The following DCDC2 variants were observed in gnomAD, a reference collection of about 807,000 sequenced individuals.
DCDC2 encodes doublecortin domain containing 2, also known as doublecortin domain-containing protein 2.
A neutral mutation model predicts 50.2 loss-of-function variants in DCDC2; 40 were observed. The observed-to-expected ratio is 0.80, with a 90% confidence interval of 0.62 to 1.04. The LOEUF (loss-of-function observed/expected upper bound fraction) is 1.04, where lower values mean the gene tolerates loss of function less well. Ranked by LOEUF, DCDC2 falls within the 50% of genes least tolerant of loss-of-function variation. The pLI is 0.00. For synonymous variants in DCDC2, 234 were observed against 210.6 expected (o/e 1.11, Z -0.96); for missense variants, 570 against 581.9 (o/e 0.98, Z 0.21).
At chr6:24,254,218 T>TA (rs1762849196) in intron 7 of DCDC2, among the ~76,000 whole-genome samples, 15 of 152,158 alleles carry the variant, frequency 9.9e-5, no homozygotes, top group Admixed American at 9.2e-4. Flanking sequence ...GGATACCTCC[T>TA]GAAACACCTA....
intron 2 of DCDC2, among the ~76,000 whole-genome samples, chr6:24,346,227 A>G (rs577119753): frequency 6.6e-6 from 1 of 152,248 alleles, no homozygotes; most frequent in South Asian, 2.1e-4. Flanking sequence ...TGAACTTCCA[A>G]CTTGTTCTGT....
rs748792618 is a variant in DCDC2, at chr6:24,291,083, C to A, written c.558-5G>T. Reference sequence around the variant, plus strand: ...TTTCCTTCTAAAGTATAAAGCCTGTCGAAAATATGAACACCAACAATTAGA... The same window carrying A: ...TTTCCTTCTAAAGTATAAAGCCTGTAGAAAATATGAACACCAACAATTAGA... On this transcript the variant is annotated splice_region_variant and splice_polypyrimidine_tract_variant and intron_variant, in intron 4 of 9. Transcript: ENST00000378454. 3.1e-6 allele frequency: 5 copies of A among 1,605,516 alleles called. No individual in the cohort carries two copies. In the Admixed American group the frequency reaches 8.6e-5, roughly 28 times the overall value.
Position 24,173,917 on chromosome 6 carries a change from A to G in DCDC2, c.*813T>C, listed in dbSNP as rs966275074. On this transcript the variant is annotated 3_prime_UTR_variant, in exon 10 of 10. Coordinates refer to ENST00000378454, the MANE Select transcript of DCDC2 (RefSeq NM_016356.5). The stretch of plus-strand genomic sequence containing the variant: ...AGCCAATATCAGGTTCTCTAATAAC[A>G]TAAGGGAGAAGAGAGAGATACTATT... 2.6e-5 allele frequency: 4 copies of G among 152,248 alleles called. No homozygotes were observed. Among genetic ancestry groups the G allele is most frequent in the Non-Finnish European group, 1.5e-5 (1 of 68,040 alleles). 9.4% of individuals were successfully genotyped at this position (152,248 alleles called of 1,614,324 possible).
chr6:24,306,942 C>T (rs1759486183), intron 2 of DCDC2, among the ~76,000 whole-genome samples: 1 of 152,084 alleles, frequency 6.6e-6, no homozygotes, highest in African/African-American at 2.4e-5. Context: ...CCTTTAAAAA[C>T]ATATATTTGG....
intron 4 of DCDC2, among the ~76,000 whole-genome samples, chr6:24,297,834 G>T (rs557502117): frequency 6.6e-6 from 1 of 151,694 alleles, no homozygotes; most frequent in Non-Finnish European, 1.5e-5. Flanking sequence ...TATAATCTTG[G>T]AGTAAGGAAG....
intron 4 of DCDC2, among the ~76,000 whole-genome samples, chr6:24,294,340 G>C (rs1171375638): frequency 6.6e-6 from 1 of 152,102 alleles, no homozygotes; most frequent in Non-Finnish European, 1.5e-5. Context: ...GGGCAACAGA[G>C]TGAGACCCTG....
chr6:24,257,548 T>C (rs1249518229), intron 7 of DCDC2, among the ~76,000 whole-genome samples: 1 of 152,284 alleles, frequency 6.6e-6, no homozygotes, highest in South Asian at 2.1e-4. Flanking sequence ...ACAGATCTTA[T>C]AGAAGAGATG....
chr6:24,323,353 C>T (rs1040403311), intron 2 of DCDC2, among the ~76,000 whole-genome samples: 3 of 152,120 alleles, frequency 2.0e-5, no homozygotes, highest in Admixed American at 6.5e-5. Context: ...CCAAACAAGA[C>T]GTGGGATTTT....
chr6:24,382,168 T>C, the DCDC2 span, among the ~76,000 whole-genome samples: 2 of 152,258 alleles, frequency 1.3e-5, no homozygotes. Context: ...AATTAAATTA[T>C]TTTTGTCACT....
intron 8 of DCDC2, among the ~76,000 whole-genome samples, chr6:24,193,477 T>C (rs1761353699): frequency 1.3e-5 from 2 of 152,166 alleles, no homozygotes; most frequent in African/African-American, 4.8e-5. Flanking sequence ...ACTGAATGTA[T>C]GTGAATGTAT....
chr6:24,236,615 GA>G, intron 7 of DCDC2, among the ~76,000 whole-genome samples: 1 of 152,160 alleles, frequency 6.6e-6, no homozygotes, highest in African/African-American at 2.4e-5. Flanking sequence ...ACAAGCTACA[GA>G]ATAGAATATC....
rs1278194991 is a variant in DCDC2 at position 24,178,523 on chromosome 6, C to T, written c.1133G>A (p.Gly378Asp). The T allele has an allele frequency of 3.1e-6, 5 of 1,614,160 alleles. No individual in the cohort carries two copies. Among genetic ancestry groups the T allele is most frequent in the South Asian group, 2.2e-5 (2 of 91,082 alleles). The change falls in exon 9 of 10, where the codon GGT becomes GAT. Residue 378 changes from glycine to aspartate, a missense_variant. By Grantham distance (94) the Gly-to-Asp change is moderately conservative. Transcript: ENST00000378454. ...CTCAGGGGCATCTGTAGCCTCCCTA[C>T]CTCCTTCCTCTTCAAGGTCACCATT... ...GMNGDLEEEGGREATDAPEQV... is the reference protein window; with the variant it reads ...GMNGDLEEEGDREATDAPEQV...
At chr6:24,292,917 G>A (rs925395043) in intron 4 of DCDC2, among the ~76,000 whole-genome samples, 2 of 152,162 alleles carry the variant, frequency 1.3e-5, no homozygotes, top group Non-Finnish European at 2.9e-5. Flanking sequence ...TCCCCAAGGG[G>A]CAAAATCATA....
intron 7 of DCDC2, among the ~76,000 whole-genome samples, chr6:24,211,987 A>G (rs559444787): frequency 6.6e-6 from 1 of 152,294 alleles, no homozygotes; most frequent in Non-Finnish European, 1.5e-5. Context: ...CCTGTTAGGA[A>G]CTGGGCTGTA....
intron 4 of DCDC2, among the ~76,000 whole-genome samples, chr6:24,298,311 G>A (rs1395594196): frequency 6.6e-6 from 1 of 152,244 alleles, no homozygotes; most frequent in Non-Finnish European, 1.5e-5. Flanking sequence ...AATGGTACCA[G>A]TCCATGGCCT....
At chr6:24,348,418 G>C (rs1760306791) in intron 2 of DCDC2, among the ~76,000 whole-genome samples, 2 of 152,198 alleles carry the variant, frequency 1.3e-5, no homozygotes, top group South Asian at 4.1e-4. Flanking sequence ...ATCACTCAAA[G>C]AAGGGATCCT....
intron 5 of DCDC2, among the ~76,000 whole-genome samples, chr6:24,289,931 G>GAGCA (rs1242463701): frequency 7.1e-6 from 1 of 140,222 alleles, no homozygotes; most frequent in Admixed American, 7.5e-5. Context: ...TGGGCACCAT[G>GAGCA]AGCAAGCCGA....
At chr6:24,358,700 T>A (rs7770746), upstream of DCDC2, among the ~76,000 whole-genome samples, 42,218 of 102,058 alleles carry the variant, frequency 0.41, 10,070 homozygotes, top group African/African-American at 0.63. Flanking sequence ...AAATATATAT[T>A]TTTTTTATAT....
At position 24,246,479 on chromosome 6, in the gene DCDC2, C is replaced by CTTTTTTTTTTTTT. The variant is rs4052666; in HGVS notation, c.922+31557_922+31569dup. Among the ~76,000 whole-genome samples the CTTTTTTTTTTTTT allele has an allele frequency of 5.9e-3, 421 of 70,788 alleles. 10 individuals are homozygous for CTTTTTTTTTTTTT. The highest frequency in any genetic ancestry group is 0.018 in the Middle Eastern group (1 of 56). The allele number at this position is 70,788 out of a possible 152,430, so 46.4% of individuals were successfully genotyped here. A position where few individuals can be genotyped will look rare whatever the true frequency, so the allele number is the denominator to read the frequency against. ...GATAAAGACAAGTCTTTTTCTTTTT[C>CTTTTTTTTTTTTT]TTTTTTTTTTTTTTTTTTTTTTTTT... On this transcript the variant is annotated intron_variant, in intron 7 of 9. Transcript: ENST00000378454.
Sources: gnomAD v4.1 joint callset for allele counts (sites outside exome capture counted in the v4.1 genomes callset) on GRCh38, gnomAD v4.1.1 for gene constraint, MANE v1.5 for transcripts, NCBI Gene and HGNC (gene_info 2026-07-23, HGNC 2026-07-21) for gene names.